PTPRA: variants seen among roughly 807,000 people sequenced by gnomAD.
The protein encoded by PTPRA is receptor-type tyrosine-protein phosphatase alpha.
PTPRA carries 25 observed loss-of-function variants against 104.8 expected under a neutral mutation model. The ratio of observed to expected loss-of-function variants is 0.24; its 90% CI spans 0.17 to 0.33. The LOEUF (loss-of-function observed/expected upper bound fraction) is 0.33. Ranked by LOEUF, PTPRA falls within the 10% of genes least tolerant of loss-of-function variation. PTPRA has a pLI of 1.00. For missense variants in PTPRA, 765 were observed against 1,015.3 expected, an observed-to-expected ratio of 0.75 and a Z score of 3.35; for synonymous variants, 323 against 368.9, an observed-to-expected ratio of 0.88 and a Z score of 1.43.
chr20:3,016,015 G>T, intron 12 of PTPRA, 130 bp downstream of exon 12: 1 of 871,280 alleles, frequency 1.1e-6, no homozygotes, highest in African/African-American at 1.7e-5. Context: ...CCACCTGAAA[G>T]AATTATAATC....
chr20:2,923,317 G>A (rs1433033761), intron 2 of PTPRA, 32 bp downstream of exon 2: 25 of 1,268,596 alleles, frequency 2.0e-5, no homozygotes, highest in Non-Finnish European at 2.3e-5. Flanking sequence ...CTGTGAGGAG[G>A]CTTTTGCCAG....
intron 1 of PTPRA, among the ~76,000 whole-genome samples, chr20:2,920,924 T>TG (rs1802798005): frequency 6.6e-6 from 1 of 152,190 alleles, no homozygotes; most frequent in African/African-American, 2.4e-5. Context: ...CAGTATCAGA[T>TG]GCCACCATTC....
intron 20 of PTPRA, among the ~76,000 whole-genome samples, chr20:3,033,691 C>T (rs1422051311): frequency 3.9e-5 from 6 of 151,972 alleles, no homozygotes; most frequent in Non-Finnish European, 5.9e-5. Flanking sequence ...CACCTGAGGT[C>T]GGGAGTTCGA....
intron 6 of PTPRA, among the ~76,000 whole-genome samples, chr20:2,983,371 G>A (rs1189695872): frequency 3.3e-5 from 5 of 152,084 alleles, no homozygotes; most frequent in African/African-American, 2.4e-5. Flanking sequence ...TTAGAGTCCA[G>A]GATAAGGAGA....
At chr20:2,891,200 C>A (rs532558845) in intron 1 of PTPRA, among the ~76,000 whole-genome samples, 2 of 152,206 alleles carry the variant, frequency 1.3e-5, no homozygotes, top group African/African-American at 4.8e-5. Context: ...ATTCAGGCTG[C>A]TTCTCACCTA....
intron 1 of PTPRA, among the ~76,000 whole-genome samples, chr20:2,881,159 T>G (rs1424514587): frequency 6.6e-6 from 1 of 150,510 alleles, no homozygotes; most frequent in African/African-American, 2.5e-5. Flanking sequence ...ATACAAGAAT[T>G]CGCCGGGCGT....
intron 1 of PTPRA, among the ~76,000 whole-genome samples, chr20:2,911,512 A>G (rs1047637911): frequency 6.6e-6 from 1 of 152,250 alleles, no homozygotes; most frequent in African/African-American, 2.4e-5. Context: ...CTAGTCTTTG[A>G]CTTTTAGTTC....
At chr20:2,916,568 C>G (rs1324208644) in intron 1 of PTPRA, among the ~76,000 whole-genome samples, 1 of 152,102 alleles carries the variant, frequency 6.6e-6, no homozygotes, top group Admixed American at 6.6e-5. Context: ...AGTATTTCAT[C>G]ACCAGCCAGC....
At chr20:3,034,541 C>T (rs549487875) in intron 20 of PTPRA, among the ~76,000 whole-genome samples, 1 of 148,602 alleles carries the variant, frequency 6.7e-6, no homozygotes, top group Non-Finnish European at 1.5e-5. Flanking sequence ...TCGAGGTGAG[C>T]CTTAATGAGA....
intron 3 of PTPRA, among the ~76,000 whole-genome samples, chr20:2,953,307 T>C (rs763553645): frequency 3.9e-5 from 6 of 152,044 alleles, no homozygotes; most frequent in African/African-American, 7.2e-5. Context: ...CAGGCTGAAG[T>C]GTAGTGGCGC....
Position 3,038,098 on chromosome 20 carries a change from A to G in PTPRA, c.2374A>G (p.Ile792Val), listed in dbSNP as rs1159512256. The change falls in exon 24 of 24, where the codon ATT (isoleucine) becomes GTT (valine). Residue 792 changes from isoleucine (I) to valine (V), a missense_variant. Physicochemically the swap from Ile to Val is conservative, Grantham distance 29. Coordinates refer to ENST00000399903, the MANE Select transcript of PTPRA (RefSeq NM_001385305.1). ...CTGCTACAAGGTGGTGCAGGAGTAT[A>G]TTGATGCATTCTCAGATTATGCCAA... is the stretch of plus-strand genomic sequence containing the variant. Reference protein sequence around the residue: ...EFCYKVVQEYIDAFSDYANFK With the variant: ...EFCYKVVQEYVDAFSDYANFK 1.2e-6 allele frequency: 2 copies of G among 1,613,554 alleles called. No homozygotes were observed. The highest frequency in any genetic ancestry group is 3.3e-5 in the Admixed American group (2 of 60,024).
Position 2,886,316 on chromosome 20 carries a change from A to T in PTPRA, c.-129+12556A>T, listed in dbSNP as rs532262521. Among the ~76,000 whole-genome samples, 17 of 152,298 alleles carry T rather than the reference A, an allele frequency of 1.1e-4. No homozygotes were observed. The South Asian group carries it at 3.1e-3, about 28-fold the overall frequency. ...TAGGTACTGAAGTATTTTGGATGAA[A>T]TGATGTTGATATCTGGAATTTGCTT... On this transcript the variant is annotated intron_variant, in intron 1 of 23. Coordinates refer to ENST00000399903, the MANE Select transcript of PTPRA (RefSeq NM_001385305.1).
chr20:2,960,431 A>G (rs747070952), intron 3 of PTPRA, among the ~76,000 whole-genome samples: 27 of 151,858 alleles, frequency 1.8e-4, no homozygotes, highest in Non-Finnish European at 3.1e-4. Context: ...TTGTATTTGT[A>G]GTAGAGACGG....
At position 3,035,800 on chromosome 20, in the gene PTPRA, G is replaced by A; in HGVS notation, c.2057G>A (p.Ser686Asn). 1 of 1,614,204 alleles carries A rather than the reference G, an allele frequency of 6.2e-7. No individual in the cohort carries two copies. Among genetic ancestry groups the A allele is most frequent in the African/African-American group, 1.3e-5 (1 of 75,060 alleles). ...CCCTTTTTTCCAAAGGAGAATAAGAGCCGGCAGATCCGGCAGTTCCACTTC... is the reference window on the plus strand; with the variant it reads ...CCCTTTTTTCCAAAGGAGAATAAGAACCGGCAGATCCGGCAGTTCCACTTC... Reference protein sequence around the residue: ...LLVTNTRENKSRQIRQFHFHG... With the variant: ...LLVTNTRENKNRQIRQFHFHG... The change falls in exon 22 of 24, where the codon AGC becomes AAC. Residue 686 changes from serine to asparagine, a missense_variant. Around this residue, in one of 4 missense-constraint regions of PTPRA, gnomAD observed 192 missense variants for 227.0 expected, o/e 0.85. Coordinates refer to ENST00000399903, the MANE Select transcript of PTPRA (RefSeq NM_001385305.1). This position sits in a 1 kb window ranked among gnomAD's most constrained non-coding sequence, Gnocchi z 5.8.
intron 1 of PTPRA, among the ~76,000 whole-genome samples, chr20:2,903,490 A>T (rs999080682): frequency 6.6e-6 from 1 of 152,194 alleles, no homozygotes; most frequent in Non-Finnish European, 1.5e-5. Context: ...GTTCAAGACC[A>T]GCCTGGGCAA....
At chr20:2,884,799 TTTTG>T (rs1248837336) in intron 1 of PTPRA, among the ~76,000 whole-genome samples, 2 of 120,588 alleles carry the variant, frequency 1.7e-5, no homozygotes, top group African/African-American at 7.2e-5. Context: ...CTCTGGTTTT[TTTTG>T]TTTTTTTTGT....
intron 11 of PTPRA, among the ~76,000 whole-genome samples, chr20:3,013,688 G>A (rs2064294687): frequency 6.6e-6 from 1 of 152,126 alleles, no homozygotes; most frequent in African/African-American, 2.4e-5. Flanking sequence ...TGGGATTAGA[G>A]GCATGAGCCA....
chr20:2,965,240 A>G (rs988069400), intron 5 of PTPRA, 38 bp downstream of exon 5: 12 of 1,506,972 alleles, frequency 8.0e-6, no homozygotes, highest in Non-Finnish European at 1.1e-5. Flanking sequence ...TTGCTCTTTG[A>G]GTTTAGTCTT....
intron 20 of PTPRA, among the ~76,000 whole-genome samples, chr20:3,034,009 C>T (rs1185540889): frequency 6.6e-6 from 1 of 151,324 alleles, no homozygotes. Context: ...TGGCTCACGC[C>T]TGTGTAATCC....
Sources: allele counts gnomAD v4.1 joint callset (sites outside exome capture counted in the v4.1 genomes callset), GRCh38; gene constraint gnomAD v4.1.1; regional missense constraint gnomAD v4.1.1; non-coding constraint Gnocchi (gnomAD v3.1); transcripts MANE v1.5; gene names NCBI Gene and HGNC (gene_info 2026-07-23, HGNC 2026-07-21).